The following AKAP6 variants were observed in gnomAD, a reference collection of about 807,000 sequenced individuals.
AKAP6 encodes the protein A-kinase anchoring protein 6.
A neutral mutation model predicts 188.5 loss-of-function variants in AKAP6; 58 were observed. That is an observed-to-expected ratio of 0.31 (90% confidence interval 0.25 to 0.38). The LOEUF (loss-of-function observed/expected upper bound fraction) is 0.38, where lower values mean the gene tolerates loss of function less well. Among genes scored for constraint, AKAP6 ranks in the 10% least tolerant of loss-of-function variants. The pLI, the probability that AKAP6 is intolerant of heterozygous loss-of-function variation, is 1.00. For synonymous variants in AKAP6, 989 were observed against 998.6 expected (o/e 0.99, Z 0.18); for missense variants, 2,710 against 2,740.0 (o/e 0.99, Z 0.24).
chr14:32,773,918 A>C (rs1566701661), intron 12 of AKAP6, 25 bp downstream of exon 12: 1 of 1,596,774 alleles, frequency 6.3e-7, no homozygotes, highest in African/African-American at 1.3e-5. Context: ...TTTTAAGCAT[A>C]ATTGTCTGTC....
At chr14:32,485,303 T>G (rs1013546513) in intron 2 of AKAP6, among the ~76,000 whole-genome samples, 1 of 151,946 alleles carries the variant, frequency 6.6e-6, no homozygotes, top group African/African-American at 2.4e-5. Context: ...AGTAGAATGA[T>G]TTATAATCGT....
intron 11 of AKAP6, among the ~76,000 whole-genome samples, chr14:32,760,920 T>A (rs146977021): frequency 4.1e-4 from 62 of 152,320 alleles, no homozygotes; most frequent in Middle Eastern, 3.4e-3. Flanking sequence ...TTTGCTGTTA[T>A]GTATTGGTTA....
intron 12 of AKAP6, among the ~76,000 whole-genome samples, chr14:32,808,443 G>C (rs894809853): frequency 2.2e-4 from 33 of 152,194 alleles, no homozygotes; most frequent in African/African-American, 8.0e-4. Flanking sequence ...GGTGGAGAAA[G>C]GGCTGGGTAA....
chr14:32,430,655 G>A (rs559353726), intron 1 of AKAP6, among the ~76,000 whole-genome samples: 1 of 152,244 alleles, frequency 6.6e-6, no homozygotes, highest in African/African-American at 2.4e-5. Flanking sequence ...TCTTAGAAGA[G>A]GGAACCACTG....
At chr14:32,391,559 T>A (rs938098233) in intron 1 of AKAP6, among the ~76,000 whole-genome samples, 11 of 152,210 alleles carry the variant, frequency 7.2e-5, no homozygotes, top group African/African-American at 2.7e-4. Context: ...AGAGAGCAGC[T>A]CTGTGGTCCA....
At chr14:32,497,602 T>G (rs1383490252) in intron 2 of AKAP6, among the ~76,000 whole-genome samples, 2 of 152,122 alleles carry the variant, frequency 1.3e-5, no homozygotes, top group Non-Finnish European at 2.9e-5. Context: ...ACTGTTTTGG[T>G]TGACTCTCCT....
At chr14:32,693,821 T>C (rs933435176) in intron 8 of AKAP6, 4 of 152,148 alleles carry the variant, frequency 2.6e-5, no homozygotes, top group African/African-American at 9.7e-5. Flanking sequence ...ATGATTAAAA[T>C]ATAGGAGGGT....
intron 9 of AKAP6, among the ~76,000 whole-genome samples, chr14:32,726,028 T>C (rs2030854323): frequency 2.6e-5 from 4 of 152,160 alleles, no homozygotes; most frequent in East Asian, 1.9e-4. Context: ...TGCCACAAAA[T>C]TGCTAGACCA....
intron 4 of AKAP6, among the ~76,000 whole-genome samples, chr14:32,562,003 TTCTA>T (rs1448026306): frequency 1.3e-5 from 2 of 152,182 alleles, no homozygotes; most frequent in African/African-American, 4.8e-5. Flanking sequence ...TTATAGAATT[TTCTA>T]TCTAAGAATG....
In AKAP6 at chr14:32,836,516, CT is replaced by C. The variant is rs1394157139; in HGVS notation, c.*6715del. 6.6e-6 allele frequency: 1 copy of C among 152,106 alleles called. No individual in the cohort carries two copies. Among genetic ancestry groups the C allele is most frequent in the African/African-American group, 2.4e-5 (1 of 41,406 alleles). 9.4% of individuals were successfully genotyped at this position (152,106 alleles called of 1,614,324 possible). A position where few individuals can be genotyped will look rare whatever the true frequency, so the allele number is the denominator to read the frequency against. On this transcript the variant is annotated 3_prime_UTR_variant, in exon 14 of 14. Transcript: ENST00000280979. Reference sequence around the variant, plus strand: ...TATTGAGGTGATAGACACTTCCAGGCTTTTGCCAAACATTAGTAAACAATTT... The same window carrying C: ...TATTGAGGTGATAGACACTTCCAGGCTTTGCCAAACATTAGTAAACAATTT...
At chr14:32,767,685 C>T (rs574037107) in intron 11 of AKAP6, among the ~76,000 whole-genome samples, 1 of 152,192 alleles carries the variant, frequency 6.6e-6, no homozygotes, top group East Asian at 1.9e-4. Context: ...ACCTGTAATG[C>T]CTATCCTCTC....
At chr14:32,624,141 G>T (rs1410013530) in intron 7 of AKAP6, among the ~76,000 whole-genome samples, 10 of 152,212 alleles carry the variant, frequency 6.6e-5, no homozygotes, top group African/African-American at 2.4e-4. Flanking sequence ...TATTCACATA[G>T]TGCATAATGA....
chr14:32,514,977 T>C (rs964581782), intron 2 of AKAP6, among the ~76,000 whole-genome samples: 7 of 152,172 alleles, frequency 4.6e-5, no homozygotes, highest in Non-Finnish European at 1.0e-4. Context: ...TGCACTGTTA[T>C]TTCAGGGCCT....
chr14:32,730,460 AT>A (rs1419185547), intron 9 of AKAP6, among the ~76,000 whole-genome samples: 1 of 152,100 alleles, frequency 6.6e-6, no homozygotes, highest in Non-Finnish European at 1.5e-5. Flanking sequence ...TGCTTTTTAT[AT>A]TTTTATTTGT....
chr14:32,345,527 C>A (rs182563234), intron 1 of AKAP6, among the ~76,000 whole-genome samples: 9 of 152,290 alleles, frequency 5.9e-5, no homozygotes, highest in Admixed American at 5.2e-4. Flanking sequence ...TGAATGTCTG[C>A]CCTGTATCTG....
intron 3 of AKAP6, among the ~76,000 whole-genome samples, chr14:32,544,650 G>T (rs1272230449): frequency 6.6e-6 from 1 of 152,122 alleles, no homozygotes; most frequent in Non-Finnish European, 1.5e-5. Context: ...AAAGGGTGGG[G>T]CCAAACAGAA....
chr14:32,816,126 T>G (rs2034371392), intron 12 of AKAP6, among the ~76,000 whole-genome samples: 1 of 152,306 alleles, frequency 6.6e-6, no homozygotes, highest in South Asian at 2.1e-4. Flanking sequence ...AAACTCAGAG[T>G]TCTCTTAAAA....
chr14:32,434,668 C>T (rs1446208105), intron 2 of AKAP6, among the ~76,000 whole-genome samples: 1 of 152,196 alleles, frequency 6.6e-6, no homozygotes, highest in Non-Finnish European at 1.5e-5. Flanking sequence ...ACTGGTTCAT[C>T]CTAAATAATC....
chr14:32,584,083 G>A (rs1885114980), intron 5 of AKAP6, among the ~76,000 whole-genome samples: 1 of 152,236 alleles, frequency 6.6e-6, no homozygotes, highest in Admixed American at 6.5e-5. Flanking sequence ...CACGCTGGGA[G>A]CTGTAGACCG....
Sources: allele counts gnomAD v4.1 joint callset (sites outside exome capture counted in the v4.1 genomes callset), GRCh38; gene constraint gnomAD v4.1.1; transcripts MANE v1.5; gene names NCBI Gene and HGNC (gene_info 2026-07-23, HGNC 2026-07-21).